Variants in LRBA observed in about 807,000 individuals in gnomAD.
LRBA encodes the protein lipopolysaccharide-responsive and beige-like anchor protein.
LRBA carries 176 observed loss-of-function variants against 330.0 expected under a neutral mutation model. That is an observed-to-expected ratio of 0.53 (90% CI 0.47 to 0.60). The LOEUF (loss-of-function observed/expected upper bound fraction) is 0.60, where lower values mean the gene tolerates loss of function less well. Ranked by LOEUF, LRBA falls within the 20% of genes least tolerant of loss-of-function variation. LRBA has a pLI of 0.00. For synonymous variants in LRBA, 1,230 were observed against 1,193.0 expected (o/e 1.03, Z -0.64); for missense variants, 3,259 against 3,444.8 (o/e 0.95, Z 1.35).
At chr4:150,579,223 T>A (rs1460452023) in intron 40 of LRBA, 1 of 456,542 alleles carries the variant, frequency 2.2e-6, no homozygotes, top group Non-Finnish European at 4.4e-6. Flanking sequence ...CTAACATACA[T>A]AAAAGCAGAG....
intron 37 of LRBA, among the ~76,000 whole-genome samples, chr4:150,662,651 G>A (rs1307613293): frequency 6.6e-6 from 1 of 152,164 alleles, no homozygotes; most frequent in East Asian, 1.9e-4. Flanking sequence ...GGATAACAAA[G>A]ATGAGTATAT....
At chr4:150,881,447 A>G (rs1560955885) in intron 17 of LRBA, among the ~76,000 whole-genome samples, 1 of 152,214 alleles carries the variant, frequency 6.6e-6, no homozygotes, top group Non-Finnish European at 1.5e-5. Flanking sequence ...CTTCTCAGTT[A>G]TAACTAGGAG....
At chr4:150,362,291 T>C (rs1738826068) in intron 47 of LRBA, among the ~76,000 whole-genome samples, 1 of 152,140 alleles carries the variant, frequency 6.6e-6, no homozygotes, top group African/African-American at 2.4e-5. Flanking sequence ...CTCCTAAATA[T>C]CTTCCCAAGT....
chr4:150,903,357 G>T (rs1392526301), intron 13 of LRBA, among the ~76,000 whole-genome samples: 1 of 151,888 alleles, frequency 6.6e-6, no homozygotes, highest in Non-Finnish European at 1.5e-5. Flanking sequence ...GAACATGTTG[G>T]AATTCTGGCA....
At chr4:151,013,712 A>T (rs1337471264) in intron 2 of LRBA, 1 of 111,882 alleles carries the variant, frequency 8.9e-6, no homozygotes. Flanking sequence ...CCCCCACCCG[A>T]AAAAAAGCAT....
intron 37 of LRBA, among the ~76,000 whole-genome samples, chr4:150,624,508 T>C (rs186454554): frequency 5.3e-5 from 8 of 152,260 alleles, no homozygotes; most frequent in African/African-American, 1.7e-4. Flanking sequence ...TGTCACTATA[T>C]GAACAGGAAA....
At chr4:150,682,962 A>G (rs899913717) in intron 37 of LRBA, among the ~76,000 whole-genome samples, 1 of 152,128 alleles carries the variant, frequency 6.6e-6, no homozygotes, top group Admixed American at 6.5e-5. Flanking sequence ...TCTATAAAGT[A>G]AAATCAACAA....
At chr4:150,854,995 C>A (rs915996052) in intron 22 of LRBA, among the ~76,000 whole-genome samples, 1 of 152,158 alleles carries the variant, frequency 6.6e-6, no homozygotes, top group Non-Finnish European at 1.5e-5. Context: ...CGGTGGCTCA[C>A]GCCTGTAATC....
At chr4:150,835,393 G>T (rs1461593242) in intron 28 of LRBA, among the ~76,000 whole-genome samples, 5 of 152,080 alleles carry the variant, frequency 3.3e-5, no homozygotes, top group Admixed American at 6.5e-5. Context: ...AATTACCTTG[G>T]GCAGTATGGC....
At chr4:150,731,665 C>T (rs1730474667) in intron 36 of LRBA, among the ~76,000 whole-genome samples, 1 of 152,010 alleles carries the variant, frequency 6.6e-6, no homozygotes, top group South Asian at 2.1e-4. Flanking sequence ...CTCAGAGAGA[C>T]AGTAGAAGGA....
intron 37 of LRBA, among the ~76,000 whole-genome samples, chr4:150,670,927 C>T (rs977307782): frequency 1.3e-5 from 2 of 151,850 alleles, no homozygotes; most frequent in Non-Finnish European, 2.9e-5. Context: ...CTTTCTCCCC[C>T]ACAATTATTG....
intron 36 of LRBA, among the ~76,000 whole-genome samples, chr4:150,728,261 A>G (rs866796422): frequency 4.6e-5 from 7 of 152,112 alleles, no homozygotes; most frequent in Non-Finnish European, 1.0e-4. Context: ...GGCTTCACTG[A>G]ATTCTACCAA....
intron 51 of LRBA, 117 bp downstream of exon 51, chr4:150,315,444 G>T (rs1467140338): frequency 1.8e-5 from 15 of 837,470 alleles, no homozygotes; most frequent in Admixed American, 9.4e-5. Flanking sequence ...GCATGCAAAT[G>T]GTTTATCAGG....
chr4:150,815,707 G>A (rs1744480561), intron 31 of LRBA, among the ~76,000 whole-genome samples: 2 of 151,944 alleles, frequency 1.3e-5, no homozygotes, highest in Non-Finnish European at 2.9e-5. Flanking sequence ...TGTTAGAAAT[G>A]CCACCTAAAG....
intron 2 of LRBA, among the ~76,000 whole-genome samples, chr4:150,988,736 GC>G (rs1741738800): frequency 6.6e-6 from 1 of 151,862 alleles, no homozygotes; most frequent in Non-Finnish European, 1.5e-5. Context: ...GTACCACCAT[GC>G]CCAGCTAATT....
chr4:150,893,030 G>A, intron 17 of LRBA, 22 bp downstream of exon 17: 1 of 1,447,816 alleles, frequency 6.9e-7, no homozygotes, highest in African/African-American at 1.4e-5. Flanking sequence ...TCCCTTATAT[G>A]AAATAGATTA....
At chr4:150,559,285 G>A (rs1024369699) in intron 40 of LRBA, among the ~76,000 whole-genome samples, 4 of 151,856 alleles carry the variant, frequency 2.6e-5, no homozygotes, top group Non-Finnish European at 4.4e-5. Context: ...AATATTGGCA[G>A]GGCATGGTGG....
At chr4:150,399,166 T>C (rs953873276) in intron 47 of LRBA, among the ~76,000 whole-genome samples, 1 of 152,184 alleles carries the variant, frequency 6.6e-6, no homozygotes, top group Admixed American at 6.5e-5. Context: ...CTGTATTTTA[T>C]TGAAATACTG....
At chr4:150,353,078 T>G (rs1737384336) in intron 47 of LRBA, among the ~76,000 whole-genome samples, 1 of 152,184 alleles carries the variant, frequency 6.6e-6, no homozygotes, top group South Asian at 2.1e-4. Context: ...TCTTCAGGCT[T>G]ACATCCTTTT....
Sources: allele counts gnomAD v4.1 joint callset (sites outside exome capture counted in the v4.1 genomes callset), GRCh38; gene constraint gnomAD v4.1.1; transcripts MANE v1.5; gene names NCBI Gene and HGNC (gene_info 2026-07-23, HGNC 2026-07-21).